ARHGEF11: variants seen among roughly 807,000 people sequenced by gnomAD.
ARHGEF11 encodes Rho guanine exchange factor (GEF) 11.
In ARHGEF11, 55 loss-of-function variants were observed where a neutral mutation model predicts 193.7. That is an observed-to-expected ratio of 0.28 (90% CI 0.23 to 0.36). The LOEUF is 0.36. Ranked by LOEUF, ARHGEF11 falls within the 10% of genes least tolerant of loss-of-function variation. The probability of loss-of-function intolerance (pLI) is 1.00; values close to 1 mark genes in which losing one functional copy is unlikely to be tolerated. For synonymous variants in ARHGEF11, 693 were observed against 768.0 expected (o/e 0.90, Z 1.62); for missense variants, 1,723 against 2,005.6 (o/e 0.86, Z 2.69).
intron 1 of ARHGEF11, among the ~76,000 whole-genome samples, chr1:157,013,259 T>TCTCACA (rs1553228459): frequency 8.3e-4 from 91 of 109,562 alleles, no homozygotes; most frequent in South Asian, 1.0e-3. Context: ...CTCCCCACTA[T>TCTCACA]CACTCACACA....
chr1:156,999,629 C>A (rs939320523), intron 1 of ARHGEF11, among the ~76,000 whole-genome samples: 1 of 152,168 alleles, frequency 6.6e-6, no homozygotes, highest in Non-Finnish European at 1.5e-5. Flanking sequence ...AATTCTGTGT[C>A]TGCATTGGTG....
chr1:157,044,563 AAAG>A lies in ARHGEF11; in HGVS notation c.-236_-234del. The A allele has an allele frequency of 2.2e-6, 1 of 462,546 alleles. No homozygotes were observed. The highest frequency in any genetic ancestry group is 3.8e-6 in the Non-Finnish European group (1 of 261,076). The allele number at this position is 462,546 out of a possible 1,614,324, so 28.7% of individuals were successfully genotyped here. A position where few individuals can be genotyped will look rare whatever the true frequency, so the allele number is the denominator to read the frequency against. On this transcript the variant is annotated 5_prime_UTR_variant, in exon 1 of 41. Transcript: ENST00000368194. ...CCCTCCCCCGCTTTAAAAAAAAAGA[AAAG>A]AAAAGAAAAAAGAAAAAAAAAGGAA...
chr1:156,957,735 C>T (rs1176973797), intron 18 of ARHGEF11, 57 bp downstream of exon 18: 4 of 1,575,980 alleles, frequency 2.5e-6, no homozygotes, highest in East Asian at 4.5e-5. Context: ...AGCATAGTAG[C>T]TCAACCCCAC....
rs773503608 is a variant in ARHGEF11 at position 156,947,286 on chromosome 1, G to A, written c.2488+18C>T. On this transcript the variant is annotated intron_variant, in intron 26 of 40. Coordinates refer to ENST00000368194, the MANE Select transcript of ARHGEF11 (RefSeq NM_198236.3). ...AAGGGCAGCAGAAGAGGAGTCTGGA[G>A]GGGCACAGGCTCCTTACTGTGAATC... 1.3e-6 allele frequency: 2 copies of A among 1,590,576 alleles called. No individual in the cohort carries two copies. The highest frequency in any genetic ancestry group is 3.6e-5 in the Admixed American group (2 of 55,836).
rs1041213736 is a variant in ARHGEF11, at chr1:156,981,742, T to A, written c.224-1256A>T. Reference sequence around the variant, plus strand: ...CTCCTGGCTTTGCCTCCCAAAGTGCTGGGATTATAGGCATGTGTCACCTCG... The same window carrying A: ...CTCCTGGCTTTGCCTCCCAAAGTGCAGGGATTATAGGCATGTGTCACCTCG... On this transcript the variant is annotated intron_variant, in intron 3 of 40. Transcript: ENST00000368194. Among the ~76,000 whole-genome samples the A allele has an allele frequency of 1.1e-3, 162 of 152,228 alleles. 2 individuals carry two copies. Among genetic ancestry groups the A allele is most frequent in the Admixed American group, 0.011 (162 of 15,282 alleles).
intron 1 of ARHGEF11, among the ~76,000 whole-genome samples, chr1:156,989,474 T>G (rs1479934306): frequency 2.0e-5 from 3 of 152,142 alleles, no homozygotes; most frequent in East Asian, 3.9e-4. Context: ...CTCTCCTTAT[T>G]ATCTACACAA....
intron 26 of ARHGEF11, 41 bp downstream of exon 26, chr1:156,947,263 G>A: frequency 6.4e-7 from 1 of 1,569,528 alleles, no homozygotes; most frequent in Non-Finnish European, 8.6e-7. Flanking sequence ...GGAAGCTGAA[G>A]GGCAGCAGAA....
chr1:157,015,818 G>C (rs1354565570), intron 1 of ARHGEF11, among the ~76,000 whole-genome samples: 1 of 152,172 alleles, frequency 6.6e-6, no homozygotes, highest in Non-Finnish European at 1.5e-5. Context: ...CTCCCAGGGG[G>C]AGCCAGATAC....
intron 32 of ARHGEF11, 22 bp from the exon 33 acceptor site, chr1:156,942,802 G>A: frequency 6.2e-7 from 1 of 1,608,360 alleles, no homozygotes; most frequent in African/African-American, 1.3e-5. Flanking sequence ...AAGGAAGGTA[G>A]AAGGGTCTGT....
chr1:157,001,567 G>A (rs1262286737), intron 1 of ARHGEF11, among the ~76,000 whole-genome samples: 1 of 152,216 alleles, frequency 6.6e-6, no homozygotes, highest in African/African-American at 2.4e-5. Flanking sequence ...TGCCTGATAG[G>A]AGGTGCAATA....
chr1:156,939,933 T>G, intron 36 of ARHGEF11, 23 bp from the exon 37 acceptor site: 1 of 1,597,402 alleles, frequency 6.3e-7, no homozygotes, highest in Non-Finnish European at 8.5e-7. Flanking sequence ...CAGGGTGATG[T>G]CTTCCCAGCA....
At chr1:156,951,399 T>C (rs530956900) in intron 22 of ARHGEF11, among the ~76,000 whole-genome samples, 174 bp downstream of exon 22, 18 of 152,216 alleles carry the variant, frequency 1.2e-4, no homozygotes, top group African/African-American at 3.6e-4. Context: ...CACTGGCCTG[T>C]TCACTGGCAC....
intron 1 of ARHGEF11, among the ~76,000 whole-genome samples, chr1:157,026,392 T>C (rs762651975): frequency 2.6e-5 from 4 of 152,108 alleles, no homozygotes; most frequent in South Asian, 2.1e-4. Context: ...ACCAAGCTCA[T>C]AGGGCGCCCA....
At chr1:156,938,044 C>A (rs1006325602) in intron 38 of ARHGEF11, among the ~76,000 whole-genome samples, 2 of 152,228 alleles carry the variant, frequency 1.3e-5, no homozygotes, top group African/African-American at 4.8e-5. Context: ...CTGGGAGGCT[C>A]TTTCAGCCGA....
At chr1:157,029,981 G>T (rs117699047) in intron 1 of ARHGEF11, among the ~76,000 whole-genome samples, 1 of 152,244 alleles carries the variant, frequency 6.6e-6, no homozygotes, top group East Asian at 1.9e-4. Flanking sequence ...TGGTTTTCAG[G>T]GGTTAGGGGA....
chr1:157,011,121 T>G (rs1668488060), intron 1 of ARHGEF11, among the ~76,000 whole-genome samples: 1 of 152,196 alleles, frequency 6.6e-6, no homozygotes, highest in Non-Finnish European at 1.5e-5. Flanking sequence ...AGCAAGTCAG[T>G]ATGCGACTGG....
intron 14 of ARHGEF11, among the ~76,000 whole-genome samples, chr1:156,960,745 T>C (rs567192161): frequency 1.3e-5 from 2 of 152,272 alleles, no homozygotes; most frequent in African/African-American, 4.8e-5. Flanking sequence ...TGGGATGGCA[T>C]GTTGTCCAAA....
intron 1 of ARHGEF11, among the ~76,000 whole-genome samples, chr1:157,014,173 C>T (rs1237019676): frequency 6.6e-6 from 1 of 152,160 alleles, no homozygotes; most frequent in Non-Finnish European, 1.5e-5. Context: ...TTAAAGCCCA[C>T]CCTCTCCCTA....
chr1:156,946,356 AG>A (rs1197416449), intron 28 of ARHGEF11, among the ~76,000 whole-genome samples, 194 bp from the exon 29 acceptor site: 3 of 152,166 alleles, frequency 2.0e-5, no homozygotes, highest in Non-Finnish European at 4.4e-5. Flanking sequence ...ACCAATCCAA[AG>A]GGATATGGTC....
Sources: allele counts gnomAD v4.1 joint callset (sites outside exome capture counted in the v4.1 genomes callset), GRCh38; gene constraint gnomAD v4.1.1; transcripts MANE v1.5; gene names NCBI Gene and HGNC (gene_info 2026-07-23, HGNC 2026-07-21).